IFT46: variants seen among roughly 807,000 people sequenced by gnomAD.
IFT46 encodes intraflagellar transport 46.
IFT46 carries 19 observed loss-of-function variants against 39.6 expected under a neutral mutation model. The ratio of observed to expected loss-of-function variants is 0.48; its 90% CI spans 0.33 to 0.70. IFT46 has a LOEUF of 0.70. IFT46 is among the 30% of genes least tolerant of loss of function. IFT46 has a pLI of 0.01. For synonymous variants in IFT46, 117 were observed against 134.8 expected, an observed-to-expected ratio of 0.87 and a Z score of 0.91; for missense variants, 334 against 364.8, an observed-to-expected ratio of 0.92 and a Z score of 0.69.
chr11:118,570,102 T>A (rs1398548984), upstream of IFT46, among the ~76,000 whole-genome samples: 2 of 140,590 alleles, frequency 1.4e-5, no homozygotes, highest in Non-Finnish European at 3.0e-5. Context: ...CACGCTGGAG[T>A]GCAGTGGCAT....
At chr11:118,554,217 A>AT (rs1235977473) in intron 7 of IFT46, among the ~76,000 whole-genome samples, 68 of 146,904 alleles carry the variant, frequency 4.6e-4, no homozygotes, top group South Asian at 2.2e-3. Flanking sequence ...CACCCTGCTA[A>AT]TTTTTTTTTT....
intron 1 of IFT46, chr11:118,572,435 G>T (rs1180012325): frequency 8.8e-7 from 1 of 1,133,250 alleles, no homozygotes; most frequent in Non-Finnish European, 1.2e-6. Context: ...AAGCGGCAGC[G>T]GTTCCTGTCA....
intron 2 of IFT46, chr11:118,560,757 G>A (rs1555070450): frequency 7.2e-6 from 5 of 692,346 alleles, no homozygotes; most frequent in South Asian, 3.1e-5. Flanking sequence ...TTTAGAAGAC[G>A]ACGAGAGGGT....
intron 9 of IFT46, among the ~76,000 whole-genome samples, chr11:118,549,925 CTTTT>C (rs1205953002): frequency 7.4e-6 from 1 of 136,046 alleles, no homozygotes; most frequent in Non-Finnish European, 1.6e-5. Context: ...TCCATTATGA[CTTTT>C]TTTTTTTTTT....
chr11:118,576,725 T>C (rs536222065), upstream of IFT46, among the ~76,000 whole-genome samples: 4 of 152,296 alleles, frequency 2.6e-5, no homozygotes, highest in Non-Finnish European at 4.4e-5. Context: ...GCCTGGAACC[T>C]GTAATTTGTG....
In IFT46 at chr11:118,555,013, C is replaced by T. The variant is rs782609288; in HGVS notation, c.331G>A (p.Gly111Arg). The T allele has an allele frequency of 1.2e-6, 2 of 1,612,878 alleles. No individual in the cohort carries two copies. ...ACCTTTAAGAATGCATCAATATCCC[C>T]GACAGCTGGGATAAAATCAGGAATG... The part of the protein sequence containing the change: ...PFIPDFIPAV[G>R]DIDAFLKVPR... Residue 111 changes from glycine to arginine, a missense_variant, in exon 6 of 12, where the codon GGG becomes AGG. Physicochemically the swap from Gly to Arg is moderately radical, Grantham distance 125. Coordinates refer to ENST00000264021, the MANE Select transcript of IFT46 (RefSeq NM_001168618.2).
Position 118,555,594 on chromosome 11 carries a change from T to G in IFT46, c.186-272A>C, listed in dbSNP as rs1263268219. 3.7e-5 allele frequency: 12 copies of G among 323,448 alleles called. No homozygotes were observed. In the East Asian group the frequency reaches 7.6e-4, roughly 20 times the overall value. The allele number at this position is 323,448 out of a possible 1,614,324, so 20.0% of individuals were successfully genotyped here. ...AATGTAGCATAAATGGTTTTCCTTT[T>G]TTTTAATGAAAGGATGACAAGAAAA... On this transcript the variant is annotated intron_variant, in intron 4 of 11. Coordinates refer to ENST00000264021, the MANE Select transcript of IFT46 (RefSeq NM_001168618.2).
At chr11:118,557,202 T>C (rs1937872015) in intron 3 of IFT46, 157 bp from the exon 4 acceptor site, 1 of 568,598 alleles carries the variant, frequency 1.8e-6, no homozygotes, top group Non-Finnish European at 2.9e-6. Flanking sequence ...GAGAGCCTTC[T>C]TCTGCCCCTG....
At chr11:118,560,380 C>A in intron 2 of IFT46, 1 of 170,396 alleles carries the variant, frequency 5.9e-6, no homozygotes, top group South Asian at 1.4e-4. Flanking sequence ...GTCCAGTGTT[C>A]ATGCTGCTGC....
chr11:118,545,052 T>G (rs1430722147), intron 11 of IFT46, 41 bp from the exon 12 acceptor site: 12 of 1,276,582 alleles, frequency 9.4e-6, no homozygotes, highest in African/African-American at 2.9e-5. Flanking sequence ...ATTAGGGATA[T>G]GCTAATTGCT....
intron 2 of IFT46, chr11:118,560,112 C>T (rs1937989760): frequency 2.2e-6 from 1 of 445,320 alleles, no homozygotes; most frequent in African/African-American, 2.0e-5. Flanking sequence ...TCTGCCATTA[C>T]ATAAATAATA....
At chr11:118,550,654 C>G (rs562397755) in intron 9 of IFT46, among the ~76,000 whole-genome samples, 2 of 152,286 alleles carry the variant, frequency 1.3e-5, no homozygotes, top group East Asian at 3.9e-4. Context: ...CATATGTATA[C>G]AGTTGAGGCA....
chr11:118,566,391 G>A (rs1555071514), upstream of IFT46, among the ~76,000 whole-genome samples: 1 of 152,202 alleles, frequency 6.6e-6, no homozygotes, highest in Admixed American at 6.5e-5. Flanking sequence ...GGGTATCTGA[G>A]GTTCAAATTT....
intron 2 of IFT46, chr11:118,560,695 G>T (rs1555070437): frequency 5.0e-6 from 3 of 597,846 alleles, no homozygotes; most frequent in Non-Finnish European, 9.1e-6. Context: ...GCAGAATGGG[G>T]TTTATTAAAG....
chr11:118,553,849 G>A (rs1294806514), intron 7 of IFT46, among the ~76,000 whole-genome samples: 1 of 152,190 alleles, frequency 6.6e-6, no homozygotes, highest in Non-Finnish European at 1.5e-5. Flanking sequence ...GTGGGAGAAT[G>A]AGGAGTGAAT....
At chr11:118,571,899 C>A (rs1400786917) in intron 1 of IFT46, among the ~76,000 whole-genome samples, 1 of 151,984 alleles carries the variant, frequency 6.6e-6, no homozygotes, top group Non-Finnish European at 1.5e-5. Flanking sequence ...GCTAGCCTGG[C>A]CGACATGGTG....
At position 118,555,061 on chromosome 11, in the gene IFT46, G is replaced by A; in HGVS notation, c.283C>T (p.Leu95=). The change falls in exon 6 of 12, where the codon CTG becomes TTG. Residue 95 remains leucine (L), a synonymous_variant. Coordinates refer to ENST00000264021, the MANE Select transcript of IFT46 (RefSeq NM_001168618.2). ...ISRYTPQLID[L]DHKLKPFIPD... ...ATGAAAGGCTTCAGTTTGTGGTCCA[G>A]GTCAATCAACTGAGGTGTGTACCTA... 1 of 1,613,782 alleles carries A rather than the reference G, an allele frequency of 6.2e-7. No individual in the cohort carries two copies. Among genetic ancestry groups the A allele is most frequent in the Non-Finnish European group, 8.5e-7 (1 of 1,179,702 alleles).
intron 7 of IFT46, among the ~76,000 whole-genome samples, chr11:118,552,921 A>T (rs3132793): frequency 2.0e-5 from 2 of 99,352 alleles, no homozygotes; most frequent in East Asian, 8.7e-4. Flanking sequence ...AATAAAAATT[A>T]AAAAAAAAAA....
Position 118,545,429 on chromosome 11 carries a change from A to C in IFT46, c.799T>G (p.Ser267Ala). ...CTCACCTGTGAGTTCTTGAATTCTG[A>C]GTAGAGGGAAAAGAGCAGATGGAGG... is the stretch of plus-strand genomic sequence containing the variant. ...QSLHLLFSLY[S>A]EFKNSQHFKA... The change falls in exon 11 of 12, where the codon TCA becomes GCA. Residue 267 changes from serine (S) to alanine (A), a missense_variant. Ser to Ala is a moderately conservative substitution (Grantham distance 99, BLOSUM62 1). Coordinates refer to ENST00000264021, the MANE Select transcript of IFT46 (RefSeq NM_001168618.2). The C allele has an allele frequency of 6.2e-7, 1 of 1,612,926 alleles. No individual in the cohort carries two copies. The highest frequency in any genetic ancestry group is 8.5e-7 in the Non-Finnish European group (1 of 1,178,954).
Sources: gnomAD v4.1 joint callset for allele counts (sites outside exome capture counted in the v4.1 genomes callset) on GRCh38, gnomAD v4.1.1 for gene constraint, MANE v1.5 for transcripts, NCBI Gene and HGNC (gene_info 2026-07-23, HGNC 2026-07-21) for gene names.